CAST: variants seen among roughly 807,000 people sequenced by gnomAD.
CAST encodes the protein MIR583 host.
In CAST, 76 loss-of-function variants were observed where a neutral mutation model predicts 119.6. That is an observed-to-expected ratio of 0.64 (90% CI 0.53 to 0.77). The LOEUF (loss-of-function observed/expected upper bound fraction) is 0.77. Among genes scored for constraint, CAST ranks in the 30% least tolerant of loss-of-function variants. CAST has a pLI of 0.00. For synonymous variants in CAST, 319 were observed against 331.6 expected, an observed-to-expected ratio of 0.96 and a Z score of 0.41; for missense variants, 953 against 946.5, an observed-to-expected ratio of 1.01 and a Z score of -0.09.
chr5:96,475,835 C>T, the CAST span, among the ~76,000 whole-genome samples: 1 of 152,194 alleles, frequency 6.6e-6, no homozygotes, highest in African/African-American at 2.4e-5. Context: ...CTCACCTTCT[C>T]AAATTGCAAT....
At chr5:96,688,671 G>GT (rs2150286177) in intron 2 of CAST, among the ~76,000 whole-genome samples, 1 of 152,124 alleles carries the variant, frequency 6.6e-6, no homozygotes, top group African/African-American at 2.4e-5. Flanking sequence ...GCATATTTTT[G>GT]TATTTGTATA....
the CAST span, among the ~76,000 whole-genome samples, chr5:95,964,819 A>G: frequency 5.9e-5 from 9 of 151,608 alleles, no homozygotes; most frequent in Admixed American, 3.3e-4. Context: ...CTGAGTAGCT[A>G]TGGATTAGAT....
the CAST span, among the ~76,000 whole-genome samples, chr5:96,424,052 C>T: frequency 6.6e-6 from 1 of 152,008 alleles, no homozygotes; most frequent in African/African-American, 2.4e-5. Flanking sequence ...TTTTAAAATA[C>T]ATTTTCTGAT....
chr5:96,709,631 C>T (rs1346759325), intron 3 of CAST, among the ~76,000 whole-genome samples: 1 of 152,170 alleles, frequency 6.6e-6, no homozygotes, highest in Non-Finnish European at 1.5e-5. Context: ...ACTAGCTTGT[C>T]ACATGCTTAT....
Position 96,722,642 on chromosome 5 carries a change from T to A in CAST, c.214T>A (p.Ser72Thr). 2 of 1,611,386 alleles carry A rather than the reference T, an allele frequency of 1.2e-6. No individual in the cohort carries two copies. Among genetic ancestry groups the A allele is most frequent in the Non-Finnish European group, 8.5e-7 (1 of 1,177,454 alleles). Reference sequence around the variant, plus strand: ...TATTTCTTTCTTTCCTTTCTAGGTGTCAGCTTCCTCTGGTGCAACCAGCAA... The same window carrying A: ...TATTTCTTTCTTTCCTTTCTAGGTGACAGCTTCCTCTGGTGCAACCAGCAA... ...AGGTASATKV[S>T]ASSGATSKSS... Residue 72 changes from serine (S) to threonine (T), a missense_variant, in exon 4 of 32, where the codon TCA becomes ACA. Ser to Thr is a moderately conservative substitution (Grantham distance 58). Transcript: ENST00000675179.
chr5:96,383,046 C>T, the CAST span, among the ~76,000 whole-genome samples: 1 of 152,166 alleles, frequency 6.6e-6, no homozygotes, highest in African/African-American at 2.4e-5. Flanking sequence ...ACCTGAGAGA[C>T]ATTAGAGGAG....
chr5:96,702,961 CG>C, intron 3 of CAST: 1 of 985,254 alleles, frequency 1.0e-6, no homozygotes, highest in Non-Finnish European at 1.2e-6. Flanking sequence ...CGCGTGCTCC[CG>C]GGTCTAGGGC....
At chr5:96,219,777 A>AAAGG in the CAST span, among the ~76,000 whole-genome samples, 2 of 138,378 alleles carry the variant, frequency 1.4e-5, no homozygotes, top group East Asian at 1.9e-4. Flanking sequence ...AGGAAGGAAG[A>AAAGG]AAGGAAGGAA....
At chr5:96,191,119 C>A in the CAST span, among the ~76,000 whole-genome samples, 1 of 152,196 alleles carries the variant, frequency 6.6e-6, no homozygotes, top group African/African-American at 2.4e-5. Flanking sequence ...AACTAGAACT[C>A]CTTTCCCATA....
the CAST span, among the ~76,000 whole-genome samples, chr5:96,343,620 T>G: frequency 2.0e-5 from 3 of 152,326 alleles, no homozygotes; most frequent in Middle Eastern, 6.8e-3. Flanking sequence ...TGCCTTTAAC[T>G]TCCTAAGCAT....
the CAST span, among the ~76,000 whole-genome samples, chr5:96,209,815 G>A: frequency 6.6e-6 from 1 of 151,530 alleles, no homozygotes; most frequent in Non-Finnish European, 1.5e-5. Flanking sequence ...CTTGGGGGTG[G>A]TTGTCTTGTA....
the CAST span, chr5:96,413,047 A>T: frequency 2.8e-6 from 2 of 702,966 alleles, no homozygotes; most frequent in East Asian, 1.3e-4. Context: ...GCTTCAAAAG[A>T]TCTAGTCACA....
chr5:96,534,689 A>AGAGGAG (rs1745750195), intron 1 of CAST, among the ~76,000 whole-genome samples: 1 of 83,524 alleles, frequency 1.2e-5, no homozygotes, highest in African/African-American at 4.6e-5. Context: ...AGAGAGAGAG[A>AGAGGAG]GGAAGGAAGG....
At chr5:96,393,202 C>A in the CAST span, 5 of 1,614,100 alleles carry the variant, frequency 3.1e-6, no homozygotes, top group Non-Finnish European at 4.2e-6. Flanking sequence ...CACTTGGGGA[C>A]TTCTTTGGTG....
chr5:96,217,145 C>T, the CAST span, among the ~76,000 whole-genome samples: 1 of 151,286 alleles, frequency 6.6e-6, no homozygotes, highest in Non-Finnish European at 1.5e-5. Context: ...CTCAAGTGAT[C>T]TTCCTACCTC....
chr5:96,145,495 A>G, the CAST span, among the ~76,000 whole-genome samples: 1 of 152,168 alleles, frequency 6.6e-6, no homozygotes, highest in Non-Finnish European at 1.5e-5. Context: ...TAAAATTACT[A>G]CAAGCTTCCA....
At chr5:96,371,645 G>A in the CAST span, among the ~76,000 whole-genome samples, 2 of 152,152 alleles carry the variant, frequency 1.3e-5, no homozygotes, top group Admixed American at 1.3e-4. Flanking sequence ...ACCATTCTGG[G>A]TGTTGGGTTC....
At chr5:96,407,094 A>C in the CAST span, among the ~76,000 whole-genome samples, 1 of 152,238 alleles carries the variant, frequency 6.6e-6, no homozygotes, top group Non-Finnish European at 1.5e-5. Flanking sequence ...AAGACATATA[A>C]TTAATGTTTA....
the CAST span, among the ~76,000 whole-genome samples, chr5:96,262,892 A>G: frequency 1.3e-5 from 2 of 152,052 alleles, no homozygotes; most frequent in African/African-American, 2.4e-5. Flanking sequence ...TTCTTGCTCA[A>G]CTGGTTTTTC....
Sources: allele counts gnomAD v4.1 joint callset (sites outside exome capture counted in the v4.1 genomes callset), GRCh38; gene constraint gnomAD v4.1.1; transcripts MANE v1.5; gene names NCBI Gene and HGNC (gene_info 2026-07-23, HGNC 2026-07-21).